The following ADAM10 variants were observed in gnomAD, a reference collection of about 807,000 sequenced individuals.
ADAM10 encodes the protein ADAM metallopeptidase domain 10, also known as disintegrin and metalloproteinase domain-containing protein 10.
In ADAM10, 17 loss-of-function variants were observed where a neutral mutation model predicts 90.1. That is an observed-to-expected ratio of 0.19 (90% CI 0.13 to 0.28). ADAM10 has a LOEUF of 0.28. Ranked by LOEUF, ADAM10 falls within the 10% of genes least tolerant of loss-of-function variation. The probability of loss-of-function intolerance (pLI) is 1.00; values close to 1 mark genes in which losing one functional copy is unlikely to be tolerated. For missense variants in ADAM10, 610 were observed against 914.3 expected (o/e 0.67, Z 4.29); for synonymous variants, 310 against 298.6 (o/e 1.04, Z -0.40).
intron 5 of ADAM10, among the ~76,000 whole-genome samples, chr15:58,662,082 G>A (rs749957589): frequency 3.9e-5 from 6 of 152,014 alleles, no homozygotes; most frequent in Non-Finnish European, 8.8e-5. Context: ...TATGAATCAC[G>A]TTTTTCAGTT....
rs530265632 is a variant in ADAM10 at position 58,687,541 on chromosome 15, T to C, written c.207-5227A>G. ...TACATTATTTGTGTTTGTAACAGTC[T>C]TTGAAGAGCTTGGAAATAAAATTTC... On this transcript the variant is annotated intron_variant, in intron 2 of 15. Coordinates refer to ENST00000260408, the MANE Select transcript of ADAM10 (RefSeq NM_001110.4). Among the ~76,000 whole-genome samples, 17 of 151,868 alleles carry C rather than the reference T, an allele frequency of 1.1e-4. No homozygotes were observed. In the South Asian group the frequency reaches 2.9e-3, roughly 26 times the overall value.
chr15:58,679,121 T>C lies in ADAM10; in HGVS notation c.484+3A>G. ...GGCTACTTGATAAAACTTAAGTACTTACTAATATCATCTTCATGATAAATG... is the reference window on the plus strand; with the variant it reads ...GGCTACTTGATAAAACTTAAGTACTCACTAATATCATCTTCATGATAAATG... On this transcript the variant is annotated splice_donor_region_variant and intron_variant, in intron 4 of 15. Transcript: ENST00000260408. 6.2e-7 allele frequency: 1 copy of C among 1,613,088 alleles called. No homozygotes were observed. The highest frequency in any genetic ancestry group is 1.3e-5 in the African/African-American group (1 of 75,048).
At chr15:58,712,193 C>A (rs1381714737) in intron 2 of ADAM10, among the ~76,000 whole-genome samples, 17 of 152,120 alleles carry the variant, frequency 1.1e-4, no homozygotes, top group Non-Finnish European at 8.8e-5. Context: ...ACAATATTAA[C>A]CTGCATTTTA....
chr15:58,731,970 CAG>C (rs1567017176), intron 1 of ADAM10, among the ~76,000 whole-genome samples: 2 of 152,148 alleles, frequency 1.3e-5, no homozygotes, highest in African/African-American at 4.8e-5. Flanking sequence ...AGGCAGCAGA[CAG>C]AAATCTTCTA....
At chr15:58,718,448 C>G (rs190770364) in intron 1 of ADAM10, among the ~76,000 whole-genome samples, 243 of 125,750 alleles carry the variant, frequency 1.9e-3, no homozygotes, top group Middle Eastern at 7.4e-3. Flanking sequence ...CTTGTACTAT[C>G]TTTGTCAAGT....
rs532958948 is a variant in ADAM10 at position 58,653,288 on chromosome 15, G to A, written c.586-7084C>T. On this transcript the variant is annotated intron_variant, in intron 5 of 15. Transcript: ENST00000260408. ...AGTGCTGAAAGAAGGCATCCTTCTTGTGTTCCCAATCTTAGAAAAAAGGCT... is the reference window on the plus strand; with the variant it reads ...AGTGCTGAAAGAAGGCATCCTTCTTATGTTCCCAATCTTAGAAAAAAGGCT... Among the ~76,000 whole-genome samples the A allele has an allele frequency of 5.4e-4, 82 of 152,244 alleles. No homozygotes were observed. In the Middle Eastern group the frequency reaches 0.02, roughly 38 times the overall value.
chr15:58,678,228 A>C (rs749551055), intron 4 of ADAM10, among the ~76,000 whole-genome samples: 1 of 152,200 alleles, frequency 6.6e-6, no homozygotes, highest in Non-Finnish European at 1.5e-5. Flanking sequence ...CTAGCAGCAG[A>C]GATAACAAGC....
rs561141122 is a variant in ADAM10, at chr15:58,653,717, C to T, written c.586-7513G>A. Among the ~76,000 whole-genome samples the T allele has an allele frequency of 7.2e-5, 11 of 152,264 alleles. No individual in the cohort carries two copies. The South Asian group carries it at 2.1e-3, about 29-fold the overall frequency. On this transcript the variant is annotated intron_variant, in intron 5 of 15. Transcript: ENST00000260408. The stretch of plus-strand genomic sequence containing the variant: ...ATCTGCTTTTGGTATCAGAGTAATA[C>T]TGGCCTCCTAGAATGAGTTTGAAGT...
chr15:58,616,153 A>G (rs964063346), intron 11 of ADAM10, among the ~76,000 whole-genome samples: 10 of 152,232 alleles, frequency 6.6e-5, no homozygotes, highest in African/African-American at 2.4e-4. Context: ...TTAGATCTAA[A>G]GAGAGAGATC....
intron 1 of ADAM10, among the ~76,000 whole-genome samples, chr15:58,746,372 A>G (rs1899792421): frequency 2.0e-5 from 3 of 152,228 alleles, no homozygotes; most frequent in Non-Finnish European, 2.9e-5. Context: ...CAAGTTACTA[A>G]AAGCACATCA....
At chr15:58,679,381 TGCATAC>T in intron 3 of ADAM10, 99 bp from the exon 4 acceptor site, 1 of 1,018,164 alleles carries the variant, frequency 9.8e-7, no homozygotes, top group Non-Finnish European at 1.5e-6. Context: ...TATACACACA[TGCATAC>T]ATATATACAC....
At chr15:58,630,873 A>G (rs533613384) in intron 9 of ADAM10, among the ~76,000 whole-genome samples, 1 of 152,116 alleles carries the variant, frequency 6.6e-6, no homozygotes, top group East Asian at 1.9e-4. Flanking sequence ...TGTCCCCCCA[A>G]ATTTGATCCC....
chr15:58,647,361 C>A (rs193211975), intron 5 of ADAM10, among the ~76,000 whole-genome samples: 1 of 145,762 alleles, frequency 6.9e-6, no homozygotes, highest in Non-Finnish European at 1.5e-5. Flanking sequence ...CCCGGGTTCA[C>A]GCCATTCTCC....
At chr15:58,599,183 A>C (rs1313430406) in intron 15 of ADAM10, among the ~76,000 whole-genome samples, 1 of 19,968 alleles carries the variant, frequency 5.0e-5, no homozygotes, top group Non-Finnish European at 9.4e-5. Context: ...GGAGGGCGGG[A>C]GGGAGGGAAG....
At chr15:58,605,826 A>G (rs1204141675) in intron 14 of ADAM10, among the ~76,000 whole-genome samples, 3 of 152,238 alleles carry the variant, frequency 2.0e-5, no homozygotes, top group African/African-American at 7.2e-5. Context: ...AACATAGCCA[A>G]TAATAAAGTA....
rs148892200 is a variant in ADAM10 at position 58,625,212 on chromosome 15, G to A, written c.1360+2488C>T. 2.5e-3 allele frequency among the ~76,000 whole-genome samples: 384 copies of A among 152,216 alleles called. 1 individual carries two copies. The highest frequency in any genetic ancestry group is 8.8e-3 in the African/African-American group (364 of 41,540). On this transcript the variant is annotated intron_variant, in intron 10 of 15. Transcript: ENST00000260408. Reference sequence around the variant, plus strand: ...TCCACGAAAGAACTGTGAAAAGGGCGAAAAGACAAGCTACAGACTGGGAGA... The same window carrying A: ...TCCACGAAAGAACTGTGAAAAGGGCAAAAAGACAAGCTACAGACTGGGAGA...
At chr15:58,713,646 TAAGAG>T (rs1898546922) in intron 2 of ADAM10, among the ~76,000 whole-genome samples, 1 of 152,222 alleles carries the variant, frequency 6.6e-6, no homozygotes, top group Non-Finnish European at 1.5e-5. Context: ...TCAGCCAAGC[TAAGAG>T]ATGTATTTTA....
At chr15:58,700,724 T>C (rs1015018713) in intron 2 of ADAM10, among the ~76,000 whole-genome samples, 9 of 151,878 alleles carry the variant, frequency 5.9e-5, no homozygotes, top group Non-Finnish European at 1.3e-4. Flanking sequence ...AAATAAATTA[T>C]AATAATCAAG....
intron 4 of ADAM10, among the ~76,000 whole-genome samples, chr15:58,670,733 A>C (rs1897172732): frequency 6.6e-6 from 1 of 152,184 alleles, no homozygotes; most frequent in Non-Finnish European, 1.5e-5. Flanking sequence ...TACTTAATTT[A>C]CTTAAGAAAA....
Sources: allele counts gnomAD v4.1 joint callset (sites outside exome capture counted in the v4.1 genomes callset), GRCh38; gene constraint gnomAD v4.1.1; transcripts MANE v1.5; gene names NCBI Gene and HGNC (gene_info 2026-07-23, HGNC 2026-07-21).